EVC: variants seen among roughly 807,000 people sequenced by gnomAD.
EVC encodes the protein EvC ciliary complex subunit 1, also known as evC complex member EVC.
A neutral mutation model predicts 118.9 loss-of-function variants in EVC; 116 were observed. The observed-to-expected ratio is 0.98, with a 90% confidence interval of 0.84 to 1.14. The LOEUF (loss-of-function observed/expected upper bound fraction) is 1.14. Ranked by LOEUF, EVC falls within the 50% of genes most tolerant of loss-of-function variation. The pLI is 0.00. For synonymous variants in EVC, 619 were observed against 534.7 expected (o/e 1.16, Z -2.18); for missense variants, 1,401 against 1,246.4 (o/e 1.12, Z -1.87).
Position 5,810,361 on chromosome 4 carries a change from G to A in EVC, c.2805G>A (p.Arg935=), listed in dbSNP as rs143631233. The change falls in exon 20 of 21, where the codon AGG becomes AGA. Residue 935 remains arginine (R), a synonymous_variant. Transcript: ENST00000264956. The part of the protein sequence containing the change: ...GLLEKPLRTK[R]KKPLPQERGD... ...CAGAGAAGCCCCTAAGGACTAAAAG[G>A]AAGAAGCCCCTGCCCCAGGAAAGAG... is the stretch of plus-strand genomic sequence containing the variant. 103 of 1,613,806 alleles carry A rather than the reference G, an allele frequency of 6.4e-5. No individual in the cohort carries two copies. In the African/African-American group the frequency reaches 1.1e-3, roughly 18 times the overall value.
Position 5,731,962 on chromosome 4 carries a change from C to T in EVC, c.617+305C>T, listed in dbSNP as rs1726897360. Among the ~76,000 whole-genome samples, 1 of 142,218 alleles carries T rather than the reference C, an allele frequency of 7.0e-6. No homozygotes were observed. Among genetic ancestry groups the T allele is most frequent in the African/African-American group, 2.5e-5 (1 of 40,710 alleles). 93.3% of individuals were successfully genotyped at this position (142,218 alleles called of 152,430 possible). On this transcript the variant is annotated intron_variant, in intron 4 of 20. Coordinates refer to ENST00000264956, the MANE Select transcript of EVC (RefSeq NM_153717.3). This position sits in a 1 kb window ranked among gnomAD's most constrained non-coding sequence, Gnocchi z 5.6. ...TGATTAAGTGGGTACTTCTGAGTAC[C>T]GGGCAGAGTGCTAAGCACTTTACAG...
rs372737301 is a variant in EVC at position 5,775,743 on chromosome 4, T to G, written c.1564-7809T>G. On this transcript the variant is annotated intron_variant, in intron 11 of 20. Transcript: ENST00000264956. Reference sequence around the variant, plus strand: ...ATTACACACTGGCTGACGTGAACTTTCTTGTAGAAGCTGTGTGTACATATT... The same window carrying G: ...ATTACACACTGGCTGACGTGAACTTGCTTGTAGAAGCTGTGTGTACATATT... 3.0e-4 allele frequency among the ~76,000 whole-genome samples: 45 copies of G among 152,310 alleles called. 1 individual carries two copies. Among genetic ancestry groups the G allele is most frequent in the African/African-American group, 9.9e-4 (41 of 41,546 alleles).
intron 18 of EVC, among the ~76,000 whole-genome samples, chr4:5,808,971 C>T (rs1716459339): frequency 6.6e-6 from 1 of 152,238 alleles, no homozygotes; most frequent in Admixed American, 6.5e-5. Context: ...GCAGTGGTGG[C>T]CGATAGGTAC....
chr4:5,729,117 CATCT>C (rs1393252189), intron 2 of EVC, among the ~76,000 whole-genome samples, 186 bp from the exon 3 acceptor site: 6 of 152,086 alleles, frequency 3.9e-5, no homozygotes, highest in East Asian at 1.9e-4. Context: ...TCTATCCATC[CATCT>C]GTTTGTCCAC....
intron 1 of EVC, among the ~76,000 whole-genome samples, chr4:5,716,741 A>G (rs1393174740): frequency 6.6e-6 from 1 of 152,232 alleles, no homozygotes; most frequent in Non-Finnish European, 1.5e-5. Flanking sequence ...TTTCCCTTGA[A>G]GAAAGTCAGG....
chr4:5,828,660 C>T, the EVC span: 1 of 1,613,468 alleles, frequency 6.2e-7, no homozygotes. Context: ...AGATGTTGTA[C>T]TCCACCGCCT....
At chr4:5,816,797 C>G (rs1286969451), downstream of EVC, among the ~76,000 whole-genome samples, 1 of 151,904 alleles carries the variant, frequency 6.6e-6, no homozygotes, top group Non-Finnish European at 1.5e-5. Context: ...TTTTGCCTCA[C>G]AGATATGTCC....
intron 11 of EVC, among the ~76,000 whole-genome samples, chr4:5,760,586 C>A (rs1731856246): frequency 1.3e-5 from 2 of 152,138 alleles, no homozygotes; most frequent in Admixed American, 1.3e-4. Flanking sequence ...GAGTTTAGCT[C>A]TAGTTGCCCA....
rs1353928716 is a variant in EVC, at chr4:5,811,211, C to G, written c.*174C>G. ...GTGCCCTAAAAGCATAAATGAGTAT[C>G]ACCTGAGAAAATTAGGCATTCCCGT... is the stretch of plus-strand genomic sequence containing the variant. On this transcript the variant is annotated 3_prime_UTR_variant, in exon 21 of 21. Transcript: ENST00000264956. The G allele has an allele frequency of 4.8e-6, 3 of 618,726 alleles. No homozygotes were observed. The highest frequency in any genetic ancestry group is 8.6e-6 in the Non-Finnish European group (3 of 347,068). 38.3% of individuals were successfully genotyped at this position (618,726 alleles called of 1,614,324 possible).
the EVC span, chr4:5,824,732 G>GA: frequency 3.9e-5 from 38 of 984,892 alleles, no homozygotes; most frequent in South Asian, 1.1e-3. Context: ...GGCCTTCTAA[G>GA]AAAAAAAATC....
intron 12 of EVC, among the ~76,000 whole-genome samples, chr4:5,788,672 C>T (rs541441094): frequency 6.6e-6 from 1 of 152,232 alleles, no homozygotes; most frequent in South Asian, 2.1e-4. Context: ...TTTTGCCTTC[C>T]GTCTAATCCT....
chr4:5,782,434 C>A (rs550520483), intron 11 of EVC, among the ~76,000 whole-genome samples: 1 of 130,020 alleles, frequency 7.7e-6, no homozygotes, highest in Admixed American at 8.2e-5. Flanking sequence ...CTCTCTGTCG[C>A]CCAGGCTGGA....
Position 5,789,889 on chromosome 4 carries a change from A to C in EVC, c.1777-3719A>C, listed in dbSNP as rs1024745550. 1.3e-5 allele frequency among the ~76,000 whole-genome samples: 2 copies of C among 152,182 alleles called. No homozygotes were observed. The highest frequency in any genetic ancestry group is 4.8e-5 in the African/African-American group (2 of 41,432). On this transcript the variant is annotated intron_variant, in intron 12 of 20. Transcript: ENST00000264956. This position sits in a 1 kb window ranked among gnomAD's most constrained non-coding sequence, Gnocchi z 4.3. ...GGCAATGCAGACTCACCTTTCAAAG[A>C]ATCAAGACTGGCCAAGCATGGTGGA... is the stretch of plus-strand genomic sequence containing the variant.
At chr4:5,786,114 C>A (rs1488003900) in intron 12 of EVC, among the ~76,000 whole-genome samples, 1 of 152,210 alleles carries the variant, frequency 6.6e-6, no homozygotes, top group Non-Finnish European at 1.5e-5. Context: ...CCTCTTGCAA[C>A]TCTGTGATTT....
At chr4:5,770,960 C>G (rs542185570) in intron 11 of EVC, among the ~76,000 whole-genome samples, 1 of 151,122 alleles carries the variant, frequency 6.6e-6, no homozygotes, top group Non-Finnish European at 1.5e-5. Context: ...TGCAGTGAGA[C>G]GAGATCGCAC....
intron 2 of EVC, among the ~76,000 whole-genome samples, chr4:5,720,047 A>C (rs4513510): frequency 0.7 from 106,695 of 152,012 alleles, 38,174 homozygotes; most frequent in African/African-American, 0.84. Context: ...AAAAAATTCT[A>C]TTTGTTCCTG....
intron 11 of EVC, among the ~76,000 whole-genome samples, chr4:5,767,532 C>G (rs911650448): frequency 2.8e-4 from 42 of 151,410 alleles, no homozygotes; most frequent in African/African-American, 9.2e-4. Flanking sequence ...TCTCAGACTG[C>G]TGTGCTAGCA....
the EVC span, chr4:5,828,350 A>T: frequency 7.0e-7 from 1 of 1,434,186 alleles, no homozygotes; most frequent in Non-Finnish European, 9.1e-7. Context: ...CAGCGTCTCA[A>T]CCCATTTAAC....
downstream of EVC, among the ~76,000 whole-genome samples, chr4:5,814,508 C>T (rs537035629): frequency 7.7e-4 from 117 of 152,292 alleles, 1 homozygote; most frequent in African/African-American, 2.7e-3. Flanking sequence ...ATCCGCCCAT[C>T]ACATGTTCTC....
Sources: allele counts gnomAD v4.1 joint callset (sites outside exome capture counted in the v4.1 genomes callset), GRCh38; gene constraint gnomAD v4.1.1; non-coding constraint Gnocchi (gnomAD v3.1); transcripts MANE v1.5; gene names NCBI Gene and HGNC (gene_info 2026-07-23, HGNC 2026-07-21).